The following TECPR1 variants were observed in gnomAD, a reference collection of about 807,000 sequenced individuals.
TECPR1 encodes the protein tectonin beta-propeller repeat containing 1, also known as tectonin beta-propeller repeat-containing protein 1.
TECPR1 carries 122 observed loss-of-function variants against 162.4 expected under a neutral mutation model. The observed-to-expected ratio is 0.75, with a 90% CI of 0.65 to 0.87. The LOEUF (loss-of-function observed/expected upper bound fraction) is 0.87, where lower values mean the gene tolerates loss of function less well. Ranked by LOEUF, TECPR1 falls within the 40% of genes least tolerant of loss-of-function variation. TECPR1 has a pLI of 0.00. For missense variants in TECPR1, 1,432 were observed against 1,618.2 expected (o/e 0.88, Z 1.97); for synonymous variants, 642 against 670.6 (o/e 0.96, Z 0.66).
rs943503297 is a variant in TECPR1 at position 98,232,105 on chromosome 7, G to A, written c.1819-146C>T. On this transcript the variant is annotated intron_variant, in intron 12 of 25. Coordinates refer to ENST00000447648, the MANE Select transcript of TECPR1 (RefSeq NM_015395.3). This position sits in a 1 kb window ranked among gnomAD's most constrained non-coding sequence, Gnocchi z 4.6. ...CGGCTGTCAGCCCAGCTCCCCCTAT[G>A]CTAATGATAACAGTGACGCTGCCGG... is the stretch of plus-strand genomic sequence containing the variant. 10 of 807,008 alleles carry A rather than the reference G, an allele frequency of 1.2e-5. No homozygotes were observed. The highest frequency in any genetic ancestry group is 1.7e-5 in the South Asian group (1 of 59,340). The allele number at this position is 807,008 out of a possible 1,614,324, so 50.0% of individuals were successfully genotyped here. A position where few individuals can be genotyped will look rare whatever the true frequency, so the allele number is the denominator to read the frequency against.
chr7:98,228,209 G>A, intron 16 of TECPR1, 93 bp from the exon 17 acceptor site: 2 of 1,017,654 alleles, frequency 2.0e-6, no homozygotes, highest in Non-Finnish European at 3.0e-6. Context: ...CAGAGAGACG[G>A]GGAGGGCGGG....
chr7:98,248,199 A>G (rs1184083683), intron 2 of TECPR1, among the ~76,000 whole-genome samples: 3 of 152,310 alleles, frequency 2.0e-5, no homozygotes, highest in Admixed American at 1.3e-4. Context: ...GCAGGGCCAC[A>G]TGGCCACACA....
At chr7:98,219,066 G>C (rs1798083603) in intron 23 of TECPR1, among the ~76,000 whole-genome samples, 1 of 152,118 alleles carries the variant, frequency 6.6e-6, no homozygotes, top group Admixed American at 6.5e-5. Flanking sequence ...ACAGAAGAGA[G>C]AACCAAGAAA....
chr7:98,247,669 C>T (rs1228453236), intron 2 of TECPR1, among the ~76,000 whole-genome samples: 1 of 152,112 alleles, frequency 6.6e-6, no homozygotes, highest in African/African-American at 2.4e-5. Context: ...CTCCTTCCTC[C>T]TCTTCCCCCG....
intron 20 of TECPR1, 129 bp from the exon 21 acceptor site, chr7:98,223,299 T>C (rs373571307): frequency 1.1e-6 from 1 of 925,566 alleles, no homozygotes. Context: ...GGCCCAGAGG[T>C]GGCCTCCTCC....
At position 98,221,642 on chromosome 7, in the gene TECPR1, T is replaced by TA. The variant is rs1162313389; in HGVS notation, c.3157+18dup. 4 of 1,610,924 alleles carry TA rather than the reference T, an allele frequency of 2.5e-6. No homozygotes were observed. The African/African-American group carries it at 5.4e-5, about 22-fold the overall frequency. ...ATGCCCAGCCAAAACATTAAAAATT[T>TA]AAAAAAAGAGCAACTTGCCATTCTC... On this transcript the variant is annotated intron_variant, in intron 23 of 25. Coordinates refer to ENST00000447648, the MANE Select transcript of TECPR1 (RefSeq NM_015395.3).
At chr7:98,230,261 C>G (rs1798390728) in intron 15 of TECPR1, among the ~76,000 whole-genome samples, 1 of 152,066 alleles carries the variant, frequency 6.6e-6, no homozygotes, top group African/African-American at 2.4e-5. Flanking sequence ...CTACCTCAGC[C>G]TCCCAGAGTG....
chr7:98,245,855 T>G, intron 3 of TECPR1, 67 bp downstream of exon 3: 1 of 1,399,718 alleles, frequency 7.1e-7, no homozygotes, highest in Non-Finnish European at 9.9e-7. Context: ...CCTTCTGTGG[T>G]TCATCATTTT....
At position 98,221,697 on chromosome 7, in the gene TECPR1, C is replaced by G. The variant is rs760164335; in HGVS notation, c.3121G>C (p.Ala1041Pro). The change falls in exon 23 of 26, where the codon GCG becomes CCG. Residue 1041 changes from alanine to proline, a missense_variant. Transcript: ENST00000447648. ...AGGGCATACACCGACGTCTGCCCCG[C>G]GGACACCTGCTTCAGCCTCTGTCTC... ...PPRQRLKQVSAGQTSVYALDE... is the reference protein window; with the variant it reads ...PPRQRLKQVSPGQTSVYALDE... 1 of 1,613,480 alleles carries G rather than the reference C, an allele frequency of 6.2e-7. No individual in the cohort carries two copies. Among genetic ancestry groups the G allele is most frequent in the South Asian group, 1.1e-5 (1 of 91,078 alleles).
In TECPR1 at chr7:98,216,365, CCT is replaced by C. The variant is rs1426985243; in HGVS notation, c.*1023_*1024del. On this transcript the variant is annotated 3_prime_UTR_variant, in exon 26 of 26. Coordinates refer to ENST00000447648, the MANE Select transcript of TECPR1 (RefSeq NM_015395.3). ...AACATGATTTGACATCCAAGAAGCC[CCT>C]GTCACCAGCGCATCTGGGGAAGGGG... The C allele has an allele frequency of 6.6e-6, 1 of 152,408 alleles. No individual in the cohort carries two copies. The highest frequency in any genetic ancestry group is 2.1e-4 in the South Asian group (1 of 4,832). 9.4% of individuals were successfully genotyped at this position (152,408 alleles called of 1,614,324 possible). A position where few individuals can be genotyped will look rare whatever the true frequency, so the allele number is the denominator to read the frequency against.
Position 98,222,273 on chromosome 7 carries a change from C to A in TECPR1, c.3064+113G>T, listed in dbSNP as rs942898160. 288 of 1,430,506 alleles carry A rather than the reference C, an allele frequency of 2.0e-4. 1 individual carries two copies. The highest frequency in any genetic ancestry group is 3.9e-5 in the Non-Finnish European group (42 of 1,073,822). 88.6% of individuals were successfully genotyped at this position (1,430,506 alleles called of 1,614,324 possible). A position where few individuals can be genotyped will look rare whatever the true frequency, so the allele number is the denominator to read the frequency against. On this transcript the variant is annotated intron_variant, in intron 22 of 25. Coordinates refer to ENST00000447648, the MANE Select transcript of TECPR1 (RefSeq NM_015395.3). ...AGTCCCAGTGGGAGGGGGACTCCCA[C>A]TTCTGGGGGAAGTCCCAGCTTCTGG...
intron 23 of TECPR1, among the ~76,000 whole-genome samples, chr7:98,218,261 C>T (rs774835359): frequency 6.6e-5 from 10 of 152,230 alleles, no homozygotes; most frequent in Non-Finnish European, 1.2e-4. Context: ...CTTCTGCACA[C>T]TCGGGGCGTC....
chr7:98,240,887 T>A lies in TECPR1; in HGVS notation c.897A>T (p.Gly299=), dbSNP rs1798727017. The A allele has an allele frequency of 6.4e-7, 1 of 1,565,320 alleles. No individual in the cohort carries two copies. Among genetic ancestry groups the A allele is most frequent in the Non-Finnish European group, 8.6e-7 (1 of 1,160,044 alleles). ...TGGTGACAGCCCAGACCACGCTGAC[T>A]CCCACCGAGATGTGCATGACCCCGT... is the stretch of plus-strand genomic sequence containing the variant. The part of the protein sequence containing the change: ...SENGVMHISV[G]VSVVWAVTKD... The change falls in exon 8 of 26, where the codon GGA becomes GGT. Residue 299 remains glycine, a synonymous_variant. Coordinates refer to ENST00000447648, the MANE Select transcript of TECPR1 (RefSeq NM_015395.3).
In TECPR1 at chr7:98,223,185, G is replaced by A; in HGVS notation, c.2748-15C>T. 6.3e-7 allele frequency: 1 copy of A among 1,582,062 alleles called. No homozygotes were observed. ...GCTTGCATTTTCTGTACAGTGGAGA[G>A]GGGACACAGCCCAGGGACCCCAAGG... On this transcript the variant is annotated splice_polypyrimidine_tract_variant and intron_variant, in intron 20 of 25. Transcript: ENST00000447648.
intron 21 of TECPR1, 133 bp from the exon 22 acceptor site, chr7:98,222,654 C>A (rs1798171993): frequency 1.8e-6 from 2 of 1,108,870 alleles, no homozygotes; most frequent in Admixed American, 2.8e-5. Context: ...GTCACACAGC[C>A]CCACCCGGCC....
intron 10 of TECPR1, among the ~76,000 whole-genome samples, chr7:98,234,884 A>T (rs894974340): frequency 2.2e-4 from 33 of 151,516 alleles, no homozygotes; most frequent in East Asian, 5.8e-4. Context: ...ATAATTTTTT[A>T]AAAAATTCTT....
chr7:98,230,335 G>A (rs978950682), intron 15 of TECPR1, among the ~76,000 whole-genome samples: 12 of 152,064 alleles, frequency 7.9e-5, no homozygotes, highest in Admixed American at 3.9e-4. Context: ...GTCCCCAACA[G>A]AACAATGTCT....
At position 98,243,634 on chromosome 7, in the gene TECPR1, T is replaced by A. The variant is rs775162252; in HGVS notation, c.532-42A>T. ...AGAAATGGTAGCAGTCAGCGCCCAGTGGGCACCTGGGCATGCACCCACCTC... is the reference window on the plus strand; with the variant it reads ...AGAAATGGTAGCAGTCAGCGCCCAGAGGGCACCTGGGCATGCACCCACCTC... On this transcript the variant is annotated intron_variant, in intron 5 of 25. Transcript: ENST00000447648. 2.5e-6 allele frequency: 4 copies of A among 1,591,448 alleles called. No homozygotes were observed. In the South Asian group the frequency reaches 4.5e-5, roughly 18 times the overall value.
intron 15 of TECPR1, 139 bp downstream of exon 15, chr7:98,230,822 G>A: frequency 1.7e-6 from 2 of 1,169,574 alleles, no homozygotes; most frequent in Non-Finnish European, 1.2e-6. Context: ...GGGGGCCTGG[G>A]AACCAGTGGC....
Sources: gnomAD v4.1 joint callset for allele counts (sites outside exome capture counted in the v4.1 genomes callset) on GRCh38, gnomAD v4.1.1 for gene constraint, Gnocchi (gnomAD v3.1) non-coding constraint, MANE v1.5 for transcripts, NCBI Gene and HGNC (gene_info 2026-07-23, HGNC 2026-07-21) for gene names.